The following RIN3 variants were observed in gnomAD, a reference collection of about 807,000 sequenced individuals.
The protein encoded by RIN3 is Ras and Rab interactor 3.
A neutral mutation model predicts 76.3 loss-of-function variants in RIN3; 54 were observed. The ratio of observed to expected loss-of-function variants is 0.71; its 90% confidence interval spans 0.57 to 0.89. The LOEUF (loss-of-function observed/expected upper bound fraction) is 0.89, where lower values mean the gene tolerates loss of function less well. Among genes scored for constraint, RIN3 ranks in the 40% least tolerant of loss-of-function variants. The pLI is 0.00. For missense variants in RIN3, 1,256 were observed against 1,322.1 expected (o/e 0.95, Z 0.78); for synonymous variants, 576 against 564.0 (o/e 1.02, Z -0.30).
chr14:92,578,945 G>C (rs1451053637), intron 3 of RIN3, among the ~76,000 whole-genome samples: 1 of 143,614 alleles, frequency 7.0e-6, no homozygotes, highest in Non-Finnish European at 1.5e-5. Context: ...TTTTTTTTTT[G>C]AGATGGAGTT....
chr14:92,586,621 T>G (rs1884785957), intron 3 of RIN3: 1 of 152,200 alleles, frequency 6.6e-6, no homozygotes, highest in Non-Finnish European at 1.5e-5. Context: ...ACTTAGACAT[T>G]TTATTATGAG....
intron 3 of RIN3, among the ~76,000 whole-genome samples, chr14:92,599,211 C>T (rs965100352): frequency 2.0e-5 from 3 of 151,910 alleles, no homozygotes; most frequent in South Asian, 2.1e-4. Flanking sequence ...GGGCACGATC[C>T]GATGTGCCTG....
chr14:92,602,831 G>C (rs1435180828), intron 3 of RIN3, among the ~76,000 whole-genome samples: 1 of 152,108 alleles, frequency 6.6e-6, no homozygotes, highest in Non-Finnish European at 1.5e-5. Context: ...TCAAGCTGAT[G>C]ATGTGCCACC....
chr14:92,527,046 CTTTTTTTT>C (rs1215618245), intron 1 of RIN3, among the ~76,000 whole-genome samples: 1 of 109,996 alleles, frequency 9.1e-6, no homozygotes, highest in African/African-American at 4.0e-5. Flanking sequence ...TTCTCCCCAT[CTTTTTTTT>C]TTTTTTTTTT....
At chr14:92,610,414 G>A (rs1377355071) in intron 3 of RIN3, among the ~76,000 whole-genome samples, 1 of 152,020 alleles carries the variant, frequency 6.6e-6, no homozygotes, top group Non-Finnish European at 1.5e-5. Flanking sequence ...ACACCTGAAG[G>A]CCCCTTTCGC....
At chr14:92,622,188 A>G (rs2140110682) in intron 4 of RIN3, among the ~76,000 whole-genome samples, 1 of 152,358 alleles carries the variant, frequency 6.6e-6, no homozygotes, top group South Asian at 2.1e-4. Context: ...AGGGCTTAGT[A>G]CTAGACCTCA....
intron 1 of RIN3, among the ~76,000 whole-genome samples, chr14:92,549,235 C>T (rs567426738): frequency 3.9e-5 from 6 of 152,290 alleles, no homozygotes; most frequent in East Asian, 3.9e-4. Flanking sequence ...GGGGTAGTGA[C>T]GGCCTTTTCC....
At chr14:92,686,544 C>T (rs1309090092) in intron 9 of RIN3, 1 of 152,372 alleles carries the variant, frequency 6.6e-6, no homozygotes, top group Admixed American at 6.5e-5. Context: ...CTCCCACAGA[C>T]TGTAGGGACA....
At position 92,654,295 on chromosome 14, in the gene RIN3, CAA is replaced by C. The variant is rs538019311; in HGVS notation, c.2026+1221_2026+1222del. Among the ~76,000 whole-genome samples the C allele has an allele frequency of 9.2e-3, 1,331 of 145,100 alleles. 24 individuals carry two copies. The highest frequency in any genetic ancestry group is 0.033 in the African/African-American group (1,293 of 39,164). On this transcript the variant is annotated intron_variant, in intron 6 of 9. Coordinates refer to ENST00000216487, the MANE Select transcript of RIN3 (RefSeq NM_024832.5). ...TGCCACTGCACTCCAGCCTGGGCGA[CAA>C]GAGCAAAACTCTGTCTAAAAAAAAA...
intron 3 of RIN3, among the ~76,000 whole-genome samples, chr14:92,590,436 G>T (rs895256169): frequency 6.6e-6 from 1 of 152,154 alleles, no homozygotes; most frequent in Non-Finnish European, 1.5e-5. Flanking sequence ...AGATCTGGCT[G>T]TTTAAAAGTG....
intron 6 of RIN3, among the ~76,000 whole-genome samples, chr14:92,658,302 G>A (rs997347074): frequency 2.0e-5 from 3 of 152,186 alleles, no homozygotes; most frequent in Non-Finnish European, 2.9e-5. Context: ...GGACGACTGC[G>A]AGGCGACTGC....
Position 92,536,918 on chromosome 14 carries a change from G to A in RIN3, c.45-18833G>A, listed in dbSNP as rs188769745. On this transcript the variant is annotated intron_variant, in intron 1 of 9. Transcript: ENST00000216487. ...TAAATTGGTTCATGTATGTTAACCA[G>A]CAACAGCAATGCATGGCACACAGTA... is the stretch of plus-strand genomic sequence containing the variant. 1.2e-3 allele frequency among the ~76,000 whole-genome samples: 182 copies of A among 152,104 alleles called. 2 individuals are homozygous for A. Among genetic ancestry groups the A allele is most frequent in the African/African-American group, 4.0e-3 (166 of 41,472 alleles).
chr14:92,626,907 C>A (rs943655), intron 4 of RIN3, among the ~76,000 whole-genome samples: 85,176 of 152,028 alleles, frequency 0.56, 24,669 homozygotes, highest in Non-Finnish European at 0.65. Flanking sequence ...CCCGCAAGAC[C>A]AGACTTTTGT....
rs767095818 is a variant in RIN3, at chr14:92,555,879, A to G, written c.173A>G (p.Lys58Arg). 5 of 1,614,086 alleles carry G rather than the reference A, an allele frequency of 3.1e-6. No homozygotes were observed. The highest frequency in any genetic ancestry group is 1.1e-5 in the South Asian group (1 of 91,080). The change falls in exon 2 of 10, where the codon AAA (lysine) becomes AGA (arginine). Residue 58 changes from lysine to arginine, a missense_variant. Transcript: ENST00000216487. ...RGISILEKLIKTCPVWLQLSL... is the reference protein window; with the variant it reads ...RGISILEKLIRTCPVWLQLSL... ...ATCAGCATCCTGGAGAAGCTCATCA[A>G]AACATGCCCGGTGTGGCTGCAGCTG...
At chr14:92,667,818 G>A (rs999635713) in intron 7 of RIN3, among the ~76,000 whole-genome samples, 22 of 152,272 alleles carry the variant, frequency 1.4e-4, no homozygotes, top group African/African-American at 4.8e-4. Flanking sequence ...AGGGATCCAT[G>A]CATAGGAAGA....
chr14:92,543,257 G>C (rs139608299), intron 1 of RIN3, among the ~76,000 whole-genome samples: 2 of 152,074 alleles, frequency 1.3e-5, no homozygotes, highest in Non-Finnish European at 2.9e-5. Context: ...GAGGCTTTAT[G>C]GGGGGTGGGG....
At chr14:92,614,716 C>T (rs1045560925) in intron 3 of RIN3, among the ~76,000 whole-genome samples, 1 of 151,602 alleles carries the variant, frequency 6.6e-6, no homozygotes, top group Non-Finnish European at 1.5e-5. Context: ...CTCTGTCTGC[C>T]ATCATTAAGA....
intron 3 of RIN3, among the ~76,000 whole-genome samples, chr14:92,589,267 G>A (rs1884894883): frequency 6.6e-6 from 1 of 152,014 alleles, no homozygotes; most frequent in African/African-American, 2.4e-5. Context: ...GCCTTTGCTT[G>A]TGCCATTTCC....
chr14:92,603,641 C>T (rs776227179), intron 3 of RIN3, among the ~76,000 whole-genome samples: 2 of 152,206 alleles, frequency 1.3e-5, no homozygotes, highest in African/African-American at 2.4e-5. Flanking sequence ...TGCCGTGTTG[C>T]GGTCCTTACA....
Sources: allele counts gnomAD v4.1 joint callset (sites outside exome capture counted in the v4.1 genomes callset), GRCh38; gene constraint gnomAD v4.1.1; transcripts MANE v1.5; gene names NCBI Gene and HGNC (gene_info 2026-07-23, HGNC 2026-07-21).